SERPINB7: variants seen among roughly 807,000 people sequenced by gnomAD.
The protein encoded by SERPINB7 is serpin family B member 7, also known as serpin B7.
A neutral mutation model predicts 37.4 loss-of-function variants in SERPINB7; 31 were observed. The observed-to-expected ratio is 0.83, with a 90% confidence interval of 0.62 to 1.12. The LOEUF (loss-of-function observed/expected upper bound fraction) is 1.12, where lower values mean the gene tolerates loss of function less well. Ranked by LOEUF, SERPINB7 falls within the 50% of genes most tolerant of loss-of-function variation. The pLI is 0.00. For synonymous variants in SERPINB7, 163 were observed against 166.1 expected, an observed-to-expected ratio of 0.98 and a Z score of 0.14; for missense variants, 521 against 455.3, an observed-to-expected ratio of 1.14 and a Z score of -1.31.
At chr18:63,791,255 A>G (rs1196819652) in intron 2 of SERPINB7, among the ~76,000 whole-genome samples, 7 of 152,250 alleles carry the variant, frequency 4.6e-5, no homozygotes, top group Non-Finnish European at 8.8e-5. Context: ...AAACCTGCAC[A>G]TTCTACATAT....
chr18:63,785,689 C>T (rs985479254), intron 2 of SERPINB7, among the ~76,000 whole-genome samples: 2 of 151,714 alleles, frequency 1.3e-5, no homozygotes, highest in African/African-American at 4.8e-5. Context: ...CTGACAAAGT[C>T]ATGGGTTCAG....
At chr18:63,800,391 C>A (rs2049534718) in intron 6 of SERPINB7, among the ~76,000 whole-genome samples, 1 of 151,748 alleles carries the variant, frequency 6.6e-6, no homozygotes, top group South Asian at 2.1e-4. Context: ...TAGTACTAGT[C>A]TGTGTTTTAC....
intron 2 of SERPINB7, among the ~76,000 whole-genome samples, chr18:63,783,220 GAGAGAGAGAGAGAGAAAGAA>G (rs1277984860): frequency 1.1e-3 from 71 of 63,912 alleles, no homozygotes; most frequent in South Asian, 1.9e-3. Context: ...GAGAGAGAGA[GAGAGAGAGAGAGAGAAAGAA>G]AGAAAGAAAG....
chr18:63,805,088 T>C lies in SERPINB7; in HGVS notation c.*453T>C. 1 of 156,920 alleles carries C rather than the reference T, an allele frequency of 6.4e-6. No individual in the cohort carries two copies. Among genetic ancestry groups the C allele is most frequent in the Non-Finnish European group, 1.4e-5 (1 of 70,994 alleles). The allele number at this position is 156,920 out of a possible 1,614,324, so 9.7% of individuals were successfully genotyped here. A position where few individuals can be genotyped will look rare whatever the true frequency, so the allele number is the denominator to read the frequency against. Reference sequence around the variant, plus strand: ...GAAGGATAAATTTTCTTTGTTGACCTATGAAGATTTTAGAGTTTACCTTCA... The same window carrying C: ...GAAGGATAAATTTTCTTTGTTGACCCATGAAGATTTTAGAGTTTACCTTCA... On this transcript the variant is annotated 3_prime_UTR_variant, in exon 8 of 8. Coordinates refer to ENST00000398019, the MANE Select transcript of SERPINB7 (RefSeq NM_003784.4).
chr18:63,771,424 T>C (rs1341223443), upstream of SERPINB7, among the ~76,000 whole-genome samples: 3 of 152,116 alleles, frequency 2.0e-5, no homozygotes, highest in Non-Finnish European at 1.5e-5. Context: ...TTATTTATAA[T>C]GATTGATAGA....
chr18:63,754,153 T>C (rs2049107294), intron 1 of SERPINB7, among the ~76,000 whole-genome samples: 1 of 152,232 alleles, frequency 6.6e-6, no homozygotes, highest in South Asian at 2.1e-4. Flanking sequence ...TGTTAATAAA[T>C]AAAATCGCAT....
intron 1 of SERPINB7, among the ~76,000 whole-genome samples, chr18:63,754,891 T>G (rs1034457663): frequency 8.0e-6 from 1 of 124,682 alleles, no homozygotes; most frequent in Non-Finnish European, 1.7e-5. Context: ...TTTTTTTTTT[T>G]TTTTTTTTTT....
intron 2 of SERPINB7, among the ~76,000 whole-genome samples, chr18:63,789,537 C>T (rs879708279): frequency 2.6e-5 from 4 of 152,102 alleles, no homozygotes; most frequent in Non-Finnish European, 4.4e-5. Context: ...CTCCACTGTT[C>T]GCCACTGCTC....
intron 1 of SERPINB7, among the ~76,000 whole-genome samples, chr18:63,757,992 C>A (rs191576565): frequency 2.0e-4 from 30 of 152,296 alleles, no homozygotes; most frequent in African/African-American, 7.2e-4. Flanking sequence ...TTTTAATAAG[C>A]ATTTCTTCAT....
upstream of SERPINB7, among the ~76,000 whole-genome samples, chr18:63,774,638 G>A (rs1598996395): frequency 6.6e-6 from 1 of 152,092 alleles, no homozygotes; most frequent in East Asian, 1.9e-4. Flanking sequence ...ACTCTAGCCT[G>A]TATTATAGGA....
At chr18:63,779,613 G>T in intron 1 of SERPINB7, among the ~76,000 whole-genome samples, 1 of 151,806 alleles carries the variant, frequency 6.6e-6, no homozygotes, top group East Asian at 1.9e-4. Flanking sequence ...GAATGTCTTG[G>T]CTCATGTTTC....
At chr18:63,780,591 A>T (rs552487710) in intron 1 of SERPINB7, among the ~76,000 whole-genome samples, 2 of 152,222 alleles carry the variant, frequency 1.3e-5, no homozygotes, top group African/African-American at 4.8e-5. Context: ...AATTGCCACA[A>T]CTTTTTACCC....
At chr18:63,797,450 T>C (rs1220991156) in intron 5 of SERPINB7, among the ~76,000 whole-genome samples, 1 of 152,192 alleles carries the variant, frequency 6.6e-6, no homozygotes, top group East Asian at 1.9e-4. Flanking sequence ...TTCTAAAATC[T>C]AGGTGGGATT....
At chr18:63,769,351 AT>A (rs2049197534) in intron 1 of SERPINB7, among the ~76,000 whole-genome samples, 1 of 151,238 alleles carries the variant, frequency 6.6e-6, no homozygotes, top group South Asian at 2.1e-4. Flanking sequence ...TCTATTTTCT[AT>A]TTTCCCACTT....
rs1362270256 is a variant in SERPINB7, at chr18:63,801,015, AAG to A, written c.744+4_744+5del. 1 of 1,611,632 alleles carries A rather than the reference AAG, an allele frequency of 6.2e-7. No individual in the cohort carries two copies. Among genetic ancestry groups the A allele is most frequent in the South Asian group, 1.1e-5 (1 of 90,262 alleles). On this transcript the variant is annotated splice_donor_5th_base_variant and intron_variant, in intron 7 of 7. Coordinates refer to ENST00000398019, the MANE Select transcript of SERPINB7 (RefSeq NM_003784.4). ...TGCCTGAGAATGACCTCTCTGAAGTAAGTTACGACTGTCATTTTCACTATTGG... is the reference window on the plus strand; with the variant it reads ...TGCCTGAGAATGACCTCTCTGAAGTATTACGACTGTCATTTTCACTATTGG...
intron 1 of SERPINB7, among the ~76,000 whole-genome samples, chr18:63,777,080 A>G (rs1042918545): frequency 6.6e-6 from 1 of 152,102 alleles, no homozygotes; most frequent in Non-Finnish European, 1.5e-5. Flanking sequence ...CAGAAACACT[A>G]TGTGAGGTAC....
intron 2 of SERPINB7, among the ~76,000 whole-genome samples, chr18:63,789,844 T>C (rs971123176): frequency 1.1e-4 from 16 of 152,240 alleles, no homozygotes; most frequent in African/African-American, 3.9e-4. Context: ...TAGACTGATA[T>C]GACAGGTCCT....
chr18:63,793,148 T>G lies in SERPINB7; in HGVS notation c.220-13T>G. 7.0e-7 allele frequency: 1 copy of G among 1,427,962 alleles called. No individual in the cohort carries two copies. Among genetic ancestry groups the G allele is most frequent in the African/African-American group, 1.4e-5 (1 of 69,814 alleles). 88.5% of individuals were successfully genotyped at this position (1,427,962 alleles called of 1,614,324 possible). A position where few individuals can be genotyped will look rare whatever the true frequency, so the allele number is the denominator to read the frequency against. ...GTCCAAAAATAAATTTTTATACATC[T>G]TTTTAATAACAGTCAGGGCTCCAGT... On this transcript the variant is annotated splice_polypyrimidine_tract_variant and intron_variant, in intron 3 of 7. Transcript: ENST00000398019.
intron 6 of SERPINB7, among the ~76,000 whole-genome samples, chr18:63,800,628 T>G (rs182663560): frequency 1.3e-5 from 2 of 152,280 alleles, no homozygotes; most frequent in East Asian, 3.9e-4. Flanking sequence ...AGAGGAACAG[T>G]AACTCACCCA....
Sources: allele counts gnomAD v4.1 joint callset (sites outside exome capture counted in the v4.1 genomes callset), GRCh38; gene constraint gnomAD v4.1.1; transcripts MANE v1.5; gene names NCBI Gene and HGNC (gene_info 2026-07-23, HGNC 2026-07-21).